MILR1: variants seen among roughly 807,000 people sequenced by gnomAD.
MILR1 encodes mast cell immunoglobulin like receptor 1, also known as allergin-1.
In MILR1, 31 loss-of-function variants were observed where a neutral mutation model predicts 18.5. The observed-to-expected ratio is 1.68, with a 90% CI of 1.26 to 2.26. The LOEUF (loss-of-function observed/expected upper bound fraction) is 2.26. Among genes scored for constraint, MILR1 ranks in the 30% most tolerant of loss-of-function variants. MILR1 has a pLI of 0.00. For missense variants in MILR1, 257 were observed against 157.4 expected (o/e 1.63, Z -3.38); for synonymous variants, 85 against 56.2 (o/e 1.51, Z -2.30).
downstream of MILR1, among the ~76,000 whole-genome samples, chr17:64,471,172 T>C (rs1203649881): frequency 1.3e-5 from 2 of 152,000 alleles, no homozygotes; most frequent in African/African-American, 4.8e-5. Context: ...ACATCATTTA[T>C]GTAGGAGGTG....
the MILR1 span, chr17:64,481,354 C>T: frequency 3.0e-6 from 3 of 985,232 alleles, no homozygotes; most frequent in Non-Finnish European, 3.6e-6. Flanking sequence ...AGCTGGGGGA[C>T]TCTCAAAGTC....
chr17:64,449,667 G>T (rs1034858506), intron 2 of MILR1, among the ~76,000 whole-genome samples: 1 of 152,086 alleles, frequency 6.6e-6, no homozygotes, highest in African/African-American at 2.4e-5. Context: ...TGGGTGTGGT[G>T]CCTCCGGCCT....
At chr17:64,496,764 G>A in the MILR1 span, 1 of 1,613,968 alleles carries the variant, frequency 6.2e-7, no homozygotes, top group Non-Finnish European at 8.5e-7. Flanking sequence ...ATCTCTAACA[G>A]CGCCTCGCTT....
intron 6 of MILR1, 78 bp downstream of exon 6, chr17:64,465,619 G>A (rs1447761722): frequency 2.7e-6 from 4 of 1,455,282 alleles, no homozygotes; most frequent in Middle Eastern, 1.7e-4. Flanking sequence ...ACAGACATAC[G>A]GGAGTGGGGG....
At chr17:64,487,837 A>G in the MILR1 span, among the ~76,000 whole-genome samples, 1 of 151,956 alleles carries the variant, frequency 6.6e-6, no homozygotes, top group Non-Finnish European at 1.5e-5. Context: ...TCCCATCCCT[A>G]TTTAAAACAA....
At chr17:64,478,142 C>A in the MILR1 span, among the ~76,000 whole-genome samples, 2 of 152,142 alleles carry the variant, frequency 1.3e-5, no homozygotes, top group Non-Finnish European at 2.9e-5. Context: ...TTTAAAGTTT[C>A]TGAATTGTAT....
the MILR1 span, chr17:64,492,651 G>C: frequency 6.9e-7 from 1 of 1,448,814 alleles, no homozygotes. Flanking sequence ...TAAATTAAAG[G>C]TAATTATTGC....
Position 64,465,550 on chromosome 17 carries a change from A to C in MILR1, c.853+9A>C. 1 of 1,599,112 alleles carries C rather than the reference A, an allele frequency of 6.3e-7. No homozygotes were observed. The highest frequency in any genetic ancestry group is 8.5e-7 in the Non-Finnish European group (1 of 1,172,850). Reference sequence around the variant, plus strand: ...CCTTGAAAAACAAGCAAGTAAGAGAACTTTGTTGCGTGTTTTGGGTGGTTT... The same window carrying C: ...CCTTGAAAAACAAGCAAGTAAGAGACCTTTGTTGCGTGTTTTGGGTGGTTT... On this transcript the variant is annotated intron_variant, in intron 6 of 9. Transcript: ENST00000619286.
intron 2 of MILR1, among the ~76,000 whole-genome samples, chr17:64,450,417 T>C (rs7224553): frequency 0.89 from 135,819 of 152,210 alleles, 60,701 homozygotes; most frequent in Non-Finnish European, 0.92. Context: ...CTCCTCCAAT[T>C]CTTCTCCCCT....
rs781939627 is a variant in MILR1 at position 64,465,535 on chromosome 17, C to G, written c.847C>G (p.Gln283Glu). The G allele has an allele frequency of 1.1e-5, 17 of 1,605,808 alleles. No individual in the cohort carries two copies. Among genetic ancestry groups the G allele is most frequent in the Non-Finnish European group, 1.4e-5 (16 of 1,176,298 alleles). Residue 283 changes from glutamine (Q) to glutamate (E), a missense_variant, in exon 6 of 10, where the codon CAA becomes GAA. Coordinates refer to ENST00000619286, the MANE Select transcript of MILR1 (RefSeq NM_001085423.2). ...AATCTATGCAAATATCCTTGAAAAA[C>G]AAGCAAGTAAGAGAACTTTGTTGCG... Reference protein sequence around the residue: ...VGIYANILEKQAKEESVPEVG... With the variant: ...VGIYANILEKEAKEESVPEVG...
chr17:64,467,046 CTTCT>C (rs140431409), intron 8 of MILR1, among the ~76,000 whole-genome samples: 9,995 of 115,650 alleles, frequency 0.086, 527 homozygotes, highest in African/African-American at 0.18. Context: ...TTCTTTCTTT[CTTCT>C]TTCTTTCTTT....
the MILR1 span, among the ~76,000 whole-genome samples, chr17:64,493,883 T>C: frequency 6.6e-5 from 10 of 152,188 alleles, no homozygotes; most frequent in African/African-American, 2.4e-4. Flanking sequence ...ATTATCAACA[T>C]TTTGCCACAT....
At chr17:64,496,580 G>A in the MILR1 span, 1 of 1,613,532 alleles carries the variant, frequency 6.2e-7, no homozygotes, top group Non-Finnish European at 8.5e-7. Context: ...GTGGTGGAGG[G>A]CGTCCACCGG....
In MILR1 at chr17:64,452,719, A is replaced by G. The variant is rs1214368492; in HGVS notation, c.220A>G (p.Thr74Ala). Reference sequence around the variant, plus strand: ...CACCTATTCATTGTTTCGACGTAAGACACACCTGGGAACCCAGGATGGAAA... The same window carrying G: ...CACCTATTCATTGTTTCGACGTAAGGCACACCTGGGAACCCAGGATGGAAA... ...QITYSLFRRK[T>A]HLGTQDGKGE... Residue 74 changes from threonine (T) to alanine (A), a missense_variant, in exon 3 of 10, where the codon ACA becomes GCA. By Grantham distance (58) the Thr-to-Ala change is moderately conservative. Coordinates refer to ENST00000619286, the MANE Select transcript of MILR1 (RefSeq NM_001085423.2). 2 of 475,140 alleles carry G rather than the reference A, an allele frequency of 4.2e-6. No homozygotes were observed. Among genetic ancestry groups the G allele is most frequent in the African/African-American group, 4.0e-5 (2 of 50,498 alleles). 29.4% of individuals were successfully genotyped at this position (475,140 alleles called of 1,614,324 possible).
the MILR1 span, chr17:64,485,849 T>A: frequency 1.2e-6 from 2 of 1,613,914 alleles, no homozygotes; most frequent in Non-Finnish European, 8.5e-7. Flanking sequence ...AGGAACCACA[T>A]TTTTTCGTCC....
At chr17:64,480,320 T>G in the MILR1 span, 1 of 1,591,240 alleles carries the variant, frequency 6.3e-7, no homozygotes, top group Non-Finnish European at 8.6e-7. Flanking sequence ...GAGGACTGCA[T>G]AGTTTCCAAA....
the MILR1 span, chr17:64,491,120 A>T: frequency 1.5e-6 from 1 of 685,760 alleles, no homozygotes; most frequent in Non-Finnish European, 2.5e-6. Context: ...TTTAAAGTTT[A>T]TTCTAATTTA....
At chr17:64,483,339 ACTT>A in the MILR1 span, among the ~76,000 whole-genome samples, 1 of 151,218 alleles carries the variant, frequency 6.6e-6, no homozygotes, top group Non-Finnish European at 1.5e-5. Flanking sequence ...CACGGTGAAA[ACTT>A]CTCTCTACCA....
the MILR1 span, among the ~76,000 whole-genome samples, chr17:64,482,614 G>A: frequency 5.3e-5 from 8 of 152,100 alleles, no homozygotes; most frequent in African/African-American, 1.7e-4. Flanking sequence ...CACCACGCCC[G>A]ACCTAAAACA....
Sources: gnomAD v4.1 joint callset for allele counts (sites outside exome capture counted in the v4.1 genomes callset) on GRCh38, gnomAD v4.1.1 for gene constraint, MANE v1.5 for transcripts, NCBI Gene and HGNC (gene_info 2026-07-23, HGNC 2026-07-21) for gene names.